Variants in MAPK14 observed in about 807,000 individuals in gnomAD.
The protein encoded by MAPK14 is mitogen-activated protein kinase 14.
Under a neutral mutation model 49.6 loss-of-function variants are expected in MAPK14, and 16 were observed. The ratio of observed to expected loss-of-function variants is 0.32; its 90% CI spans 0.22 to 0.49. The LOEUF (loss-of-function observed/expected upper bound fraction) is 0.49, where lower values mean the gene tolerates loss of function less well. Among genes scored for constraint, MAPK14 ranks in the 20% least tolerant of loss-of-function variants. The pLI is 0.99. For missense variants in MAPK14, 200 were observed against 441.2 expected (o/e 0.45, Z 4.90); for synonymous variants, 142 against 158.0 (o/e 0.90, Z 0.76).
At chr6:36,033,350 T>C (rs919368558) in intron 1 of MAPK14, among the ~76,000 whole-genome samples, 3 of 151,194 alleles carry the variant, frequency 2.0e-5, no homozygotes, top group African/African-American at 4.9e-5. Flanking sequence ...GGAGTCTTGC[T>C]GTGTTGCCCA....
chr6:36,080,756 C>A (rs1235171952), intron 8 of MAPK14, among the ~76,000 whole-genome samples: 1 of 152,048 alleles, frequency 6.6e-6, no homozygotes, highest in Non-Finnish European at 1.5e-5. Flanking sequence ...GTTTAACTTT[C>A]TGAAGAGCCA....
chr6:36,100,331 C>G (rs1381849916), intron 9 of MAPK14: 1 of 1,203,936 alleles, frequency 8.3e-7, no homozygotes, highest in East Asian at 2.3e-5. Context: ...TTTATTGCCA[C>G]CGTATAACCA....
intron 1 of MAPK14, among the ~76,000 whole-genome samples, chr6:36,029,473 C>A (rs1214536692): frequency 6.6e-6 from 1 of 152,140 alleles, no homozygotes; most frequent in East Asian, 1.9e-4. Context: ...AGCTACGGAT[C>A]TTAAACTAAG....
At chr6:36,059,430 C>T in intron 3 of MAPK14, 83 bp downstream of exon 3, 2 of 982,692 alleles carry the variant, frequency 2.0e-6, no homozygotes, top group Non-Finnish European at 1.6e-6. Flanking sequence ...CATTTAGCAA[C>T]ATATAGACTT....
chr6:36,096,227 G>A (rs899278554), intron 9 of MAPK14, 161 bp downstream of exon 9: 9 of 571,422 alleles, frequency 1.6e-5, no homozygotes, highest in Middle Eastern at 2.9e-4. Flanking sequence ...GTGTGTGTGC[G>A]TGCACGCATG....
the MAPK14 span, among the ~76,000 whole-genome samples, chr6:36,122,522 A>T: frequency 6.6e-6 from 1 of 152,204 alleles, no homozygotes; most frequent in African/African-American, 2.4e-5. Context: ...TCTTCCAGGT[A>T]CGTGGAATTC....
intron 1 of MAPK14, among the ~76,000 whole-genome samples, chr6:36,043,661 A>G (rs1296349433): frequency 6.6e-6 from 1 of 152,184 alleles, no homozygotes; most frequent in Non-Finnish European, 1.5e-5. Flanking sequence ...TTAGTTATTT[A>G]GAAGGCAAGT....
chr6:36,030,424 A>G (rs1055435509), intron 1 of MAPK14, among the ~76,000 whole-genome samples: 7 of 152,194 alleles, frequency 4.6e-5, no homozygotes, highest in Non-Finnish European at 7.4e-5. Flanking sequence ...GCAGTGGCTC[A>G]CGCCTGTAAT....
chr6:36,071,367 G>A (rs546965456), intron 3 of MAPK14, among the ~76,000 whole-genome samples: 11 of 151,868 alleles, frequency 7.2e-5, no homozygotes, highest in Non-Finnish European at 1.3e-4. Context: ...TTTTAGAACC[G>A]ATCTACTTTC....
At chr6:36,065,156 CT>C (rs1728444785) in intron 3 of MAPK14, among the ~76,000 whole-genome samples, 1 of 152,224 alleles carries the variant, frequency 6.6e-6, no homozygotes, top group Admixed American at 6.5e-5. Context: ...TCACTGTTTA[CT>C]CCTTACCCTG....
intron 8 of MAPK14, among the ~76,000 whole-genome samples, chr6:36,089,365 C>G (rs764346618): frequency 6.6e-6 from 1 of 152,078 alleles, no homozygotes; most frequent in East Asian, 1.9e-4. Context: ...GAACAACACA[C>G]GCTGGGGCCT....
Position 36,109,427 on chromosome 6 carries a change from T to C in MAPK14, c.*980T>C, listed in dbSNP as rs1765898219. The C allele has an allele frequency of 6.5e-6, 1 of 152,718 alleles. No homozygotes were observed. Among genetic ancestry groups the C allele is most frequent in the Admixed American group, 6.5e-5 (1 of 15,284 alleles). 9.5% of individuals were successfully genotyped at this position (152,718 alleles called of 1,614,324 possible). Reference sequence around the variant, plus strand: ...ATGCACAGCTGCTTGTCCTGCTCTCTTCAGGAGGCCCTGGTGTCAGGCAGG... The same window carrying C: ...ATGCACAGCTGCTTGTCCTGCTCTCCTCAGGAGGCCCTGGTGTCAGGCAGG... On this transcript the variant is annotated 3_prime_UTR_variant, in exon 12 of 12. Transcript: ENST00000229794.
At chr6:36,112,352 A>C (rs1765989698), downstream of MAPK14, among the ~76,000 whole-genome samples, 1 of 152,234 alleles carries the variant, frequency 6.6e-6, no homozygotes, top group African/African-American at 2.4e-5. Flanking sequence ...AGCTCCCCTG[A>C]AGTGAATCCA....
At position 36,083,211 on chromosome 6, in the gene MAPK14, G is replaced by A. The variant is rs1012644078; in HGVS notation, c.682+6603G>A. 3.9e-5 allele frequency among the ~76,000 whole-genome samples: 6 copies of A among 152,244 alleles called. No homozygotes were observed. In the East Asian group the frequency reaches 1.2e-3, roughly 29 times the overall value. On this transcript the variant is annotated intron_variant, in intron 8 of 11. Transcript: ENST00000229794. ...CCCATGGAGAGTGAGGAAAAGCAGG[G>A]TGGAGCGACAGCCCACCTGGGAGCT...
At chr6:36,051,319 CA>C (rs1246343373) in intron 1 of MAPK14, among the ~76,000 whole-genome samples, 3 of 152,146 alleles carry the variant, frequency 2.0e-5, no homozygotes, top group Non-Finnish European at 4.4e-5. Context: ...CCATCTTGGT[CA>C]GACTGGTCTC....
chr6:36,075,212 C>T (rs762546119), intron 6 of MAPK14, among the ~76,000 whole-genome samples: 31 of 106,792 alleles, frequency 2.9e-4, no homozygotes, highest in Non-Finnish European at 4.9e-4. Context: ...GGCAACAGAG[C>T]AAGACTCCGT....
At chr6:36,061,829 G>A (rs1032339585) in intron 3 of MAPK14, among the ~76,000 whole-genome samples, 24 of 152,168 alleles carry the variant, frequency 1.6e-4, no homozygotes, top group African/African-American at 5.6e-4. Context: ...AATTGAGGTC[G>A]TTGACTTCTG....
At chr6:36,084,979 A>G (rs1418690081) in intron 8 of MAPK14, among the ~76,000 whole-genome samples, 2 of 152,204 alleles carry the variant, frequency 1.3e-5, no homozygotes, top group South Asian at 2.1e-4. Context: ...AGTGGACCTC[A>G]GCAAAAACCC....
intron 8 of MAPK14, among the ~76,000 whole-genome samples, chr6:36,077,767 TA>T (rs1764590615): frequency 6.6e-6 from 1 of 152,218 alleles, no homozygotes; most frequent in African/African-American, 2.4e-5. Flanking sequence ...CTCTGGATTT[TA>T]AATTAGTTTA....
Sources: gnomAD v4.1 joint callset for allele counts (sites outside exome capture counted in the v4.1 genomes callset) on GRCh38, gnomAD v4.1.1 for gene constraint, MANE v1.5 for transcripts, NCBI Gene and HGNC (gene_info 2026-07-23, HGNC 2026-07-21) for gene names.